KCNH1: variants seen among roughly 807,000 people sequenced by gnomAD.
KCNH1 encodes the protein voltage-gated delayed rectifier potassium channel KCNH1.
KCNH1 carries 27 observed loss-of-function variants against 69.2 expected under a neutral mutation model. The observed-to-expected ratio is 0.39, with a 90% CI of 0.29 to 0.54. The LOEUF (loss-of-function observed/expected upper bound fraction) is 0.54, where lower values mean the gene tolerates loss of function less well. Among genes scored for constraint, KCNH1 ranks in the 20% least tolerant of loss-of-function variants. The pLI, the probability that KCNH1 is intolerant of heterozygous loss-of-function variation, is 0.68. For missense variants in KCNH1, 798 were observed against 1,261.6 expected, an observed-to-expected ratio of 0.63 and a Z score of 5.57; for synonymous variants, 456 against 487.7, an observed-to-expected ratio of 0.93 and a Z score of 0.86.
At chr1:210,698,616 G>A (rs1681699519) in intron 10 of KCNH1, among the ~76,000 whole-genome samples, 1 of 152,226 alleles carries the variant, frequency 6.6e-6, no homozygotes, top group Non-Finnish European at 1.5e-5. Context: ...ACGGAGGGGA[G>A]GGAGCCCCAC....
chr1:211,099,752 T>C (rs1691224416), intron 3 of KCNH1, among the ~76,000 whole-genome samples: 1 of 152,178 alleles, frequency 6.6e-6, no homozygotes, highest in African/African-American at 2.4e-5. Context: ...AAGTTTTACT[T>C]CAGGTTAAAT....
chr1:210,830,907 T>C (rs568324917), intron 7 of KCNH1, among the ~76,000 whole-genome samples: 23 of 152,338 alleles, frequency 1.5e-4, no homozygotes, highest in Admixed American at 1.5e-3. Flanking sequence ...GTTGAGGTTC[T>C]TATACAGGGC....
chr1:210,791,876 A>T (rs1053164055), intron 9 of KCNH1, among the ~76,000 whole-genome samples: 15 of 152,222 alleles, frequency 9.9e-5, no homozygotes, highest in African/African-American at 3.1e-4. Flanking sequence ...GTACCTTCCA[A>T]ATTAGGAACT....
At chr1:210,825,253 GC>G (rs1685011845) in intron 7 of KCNH1, among the ~76,000 whole-genome samples, 1 of 152,146 alleles carries the variant, frequency 6.6e-6, no homozygotes, top group Non-Finnish European at 1.5e-5. Flanking sequence ...TTGCACAAAT[GC>G]TTTTCCTTAA....
intron 6 of KCNH1, among the ~76,000 whole-genome samples, chr1:210,967,945 C>T (rs899029963): frequency 6.6e-6 from 1 of 151,768 alleles, no homozygotes; most frequent in African/African-American, 2.4e-5. Flanking sequence ...TATACATGTG[C>T]CATGCTGGTG....
At position 210,683,056 on chromosome 1, in the gene KCNH1, CAA is replaced by C. The variant is rs1681310635; in HGVS notation, c.*223_*224del. 5.1e-6 allele frequency: 3 copies of C among 587,790 alleles called. No individual in the cohort carries two copies. Among genetic ancestry groups the C allele is most frequent in the Admixed American group, 2.8e-5 (1 of 35,532 alleles). The allele number at this position is 587,790 out of a possible 1,614,324, so 36.4% of individuals were successfully genotyped here. On this transcript the variant is annotated 3_prime_UTR_variant, in exon 11 of 11. Transcript: ENST00000271751. The surrounding 1 kb of genome is among the most constrained non-coding windows in gnomAD (Gnocchi z 5.7). The stretch of plus-strand genomic sequence containing the variant: ...GCATGTCCCTTCTTCCAAAATTGTG[CAA>C]AGACGGTTCAGATGCAGCTGCCACC...
chr1:210,773,504 G>A (rs368308139), intron 10 of KCNH1, among the ~76,000 whole-genome samples: 1 of 152,212 alleles, frequency 6.6e-6, no homozygotes, highest in African/African-American at 2.4e-5. Flanking sequence ...TTTAAAACAG[G>A]TGGAGGAATA....
chr1:210,809,099 A>G (rs1195680513), intron 7 of KCNH1, among the ~76,000 whole-genome samples: 1 of 151,902 alleles, frequency 6.6e-6, no homozygotes, highest in Non-Finnish European at 1.5e-5. Context: ...ATTCCTACCC[A>G]GAAAGAAAGA....
intron 7 of KCNH1, among the ~76,000 whole-genome samples, chr1:210,815,090 G>A (rs1451027511): frequency 6.6e-6 from 1 of 152,188 alleles, no homozygotes; most frequent in Non-Finnish European, 1.5e-5. Context: ...TGGGCATTTG[G>A]TAGAAATGCA....
At position 210,690,868 on chromosome 1, in the gene KCNH1, G is replaced by A. The variant is rs981588656; in HGVS notation, c.2113-6730C>T. On this transcript the variant is annotated intron_variant, in intron 10 of 10. Transcript: ENST00000271751. Reference sequence around the variant, plus strand: ...CTGTCCTCCAGGAGATGCCAGGCTCGGGAGATACAGCAGTAAACTCACAGT... The same window carrying A: ...CTGTCCTCCAGGAGATGCCAGGCTCAGGAGATACAGCAGTAAACTCACAGT... 2.6e-5 allele frequency among the ~76,000 whole-genome samples: 4 copies of A among 152,272 alleles called. No homozygotes were observed. The South Asian group carries it at 6.2e-4, about 24-fold the overall frequency.
At chr1:210,746,312 T>C (rs749047317) in intron 10 of KCNH1, among the ~76,000 whole-genome samples, 7 of 152,134 alleles carry the variant, frequency 4.6e-5, no homozygotes, top group South Asian at 2.1e-4. Context: ...ATAACAATTG[T>C]ATGAGTAAAG....
intron 10 of KCNH1, among the ~76,000 whole-genome samples, chr1:210,685,452 G>A (rs367993429): frequency 3.6e-4 from 55 of 152,148 alleles, no homozygotes; most frequent in African/African-American, 1.0e-3. Flanking sequence ...CCACAGGACC[G>A]CCAGTCTTGG....
intron 10 of KCNH1, among the ~76,000 whole-genome samples, chr1:210,756,896 G>C (rs75572861): frequency 0.027 from 4,139 of 152,266 alleles, 115 homozygotes; most frequent in East Asian, 0.14. Flanking sequence ...AAACAAATTT[G>C]GGGGAGAGGG....
chr1:210,795,466 C>T (rs1003668986), intron 9 of KCNH1, among the ~76,000 whole-genome samples: 3 of 151,970 alleles, frequency 2.0e-5, no homozygotes, highest in African/African-American at 7.3e-5. Context: ...AGTTTCTATC[C>T]CACTCTCCCT....
At chr1:210,714,504 G>GCAAT (rs1682171981) in intron 10 of KCNH1, among the ~76,000 whole-genome samples, 2 of 152,154 alleles carry the variant, frequency 1.3e-5, no homozygotes, top group African/African-American at 4.8e-5. Context: ...GATGGGTTGT[G>GCAAT]GAGGACTGAA....
At chr1:210,721,189 T>G (rs1682445714) in intron 10 of KCNH1, among the ~76,000 whole-genome samples, 1 of 152,036 alleles carries the variant, frequency 6.6e-6, no homozygotes, top group African/African-American at 2.4e-5. Context: ...TAGGAGCCCT[T>G]CCACCTGGTG....
intron 6 of KCNH1, among the ~76,000 whole-genome samples, chr1:210,973,311 C>T (rs1232015472): frequency 6.6e-6 from 1 of 152,062 alleles, no homozygotes; most frequent in Non-Finnish European, 1.5e-5. Context: ...AGCCCCTAGA[C>T]CCATTCTCTT....
chr1:210,757,702 T>C (rs1385624061), intron 10 of KCNH1, among the ~76,000 whole-genome samples: 4 of 152,352 alleles, frequency 2.6e-5, no homozygotes, highest in Admixed American at 6.5e-5. Context: ...AGTGGTACCA[T>C]AGCAGAGCCA....
chr1:210,988,304 C>T (rs11119653), intron 6 of KCNH1, among the ~76,000 whole-genome samples: 10,151 of 152,124 alleles, frequency 0.067, 881 homozygotes, highest in African/African-American at 0.2. Context: ...ACCCACTGTC[C>T]GGCACTCCCC....
Sources: allele counts gnomAD v4.1 joint callset (sites outside exome capture counted in the v4.1 genomes callset), GRCh38; gene constraint gnomAD v4.1.1; non-coding constraint Gnocchi (gnomAD v3.1); transcripts MANE v1.5; gene names NCBI Gene and HGNC (gene_info 2026-07-23, HGNC 2026-07-21).